Variants in IL20RB observed in about 807,000 individuals in gnomAD.
The protein encoded by IL20RB is interleukin-20 receptor subunit beta.
IL20RB carries 21 observed loss-of-function variants against 33.3 expected under a neutral mutation model. The observed-to-expected ratio is 0.63, with a 90% CI of 0.45 to 0.91. The LOEUF is 0.91. Ranked by LOEUF, IL20RB falls within the 40% of genes least tolerant of loss-of-function variation. The pLI is 0.00. For synonymous variants in IL20RB, 147 were observed against 146.8 expected, an observed-to-expected ratio of 1.00 and a Z score of -0.01; for missense variants, 345 against 384.8, an observed-to-expected ratio of 0.90 and a Z score of 0.86.
chr3:136,981,977 C>T, intron 2 of IL20RB, 183 bp from the exon 3 acceptor site: 1 of 413,152 alleles, frequency 2.4e-6, no homozygotes, highest in Non-Finnish European at 4.3e-6. Flanking sequence ...CCCTATCTGG[C>T]AATAAAAGGA....
intron 1 of IL20RB, among the ~76,000 whole-genome samples, chr3:136,974,092 A>G (rs1263807139): frequency 6.6e-6 from 1 of 151,700 alleles, no homozygotes; most frequent in Non-Finnish European, 1.5e-5. Context: ...TTCCTGTCAT[A>G]TTGTTAATTT....
rs768415929 is a variant in IL20RB at position 136,995,440 on chromosome 3, C to T, written c.709C>T (p.Leu237=). Residue 237 remains leucine (L), a synonymous_variant, in exon 6 of 7, where the codon CTG becomes TTG. Transcript: ENST00000329582. ...AGAGGCCATTCCCCTGGTACTGGCCCTGTTTGCCTTTGTTGGCTTCATGCT... is the reference window on the plus strand; with the variant it reads ...AGAGGCCATTCCCCTGGTACTGGCCTTGTTTGCCTTTGTTGGCTTCATGCT... ...QGEAIPLVLA[L]FAFVGFMLIL... The T allele has an allele frequency of 3.1e-6, 5 of 1,614,016 alleles. No individual in the cohort carries two copies. Among genetic ancestry groups the T allele is most frequent in the Non-Finnish European group, 3.4e-6 (4 of 1,180,034 alleles).
At chr3:136,963,701 T>C (rs1369046706) in intron 1 of IL20RB, among the ~76,000 whole-genome samples, 1 of 147,350 alleles carries the variant, frequency 6.8e-6, no homozygotes, top group East Asian at 2.0e-4. Context: ...TTATTTTTTT[T>C]TTTTATTATA....
chr3:136,994,530 C>T (rs1056284378), intron 5 of IL20RB, among the ~76,000 whole-genome samples: 1 of 152,196 alleles, frequency 6.6e-6, no homozygotes, highest in African/African-American at 2.4e-5. Flanking sequence ...ATGTACAGTG[C>T]CCCCAGCCAC....
chr3:136,986,246 A>G (rs1439242605), intron 3 of IL20RB, among the ~76,000 whole-genome samples: 1 of 142,616 alleles, frequency 7.0e-6, no homozygotes, highest in Non-Finnish European at 1.5e-5. Context: ...TAAATAAATA[A>G]ATAAATAAAT....
intron 5 of IL20RB, among the ~76,000 whole-genome samples, chr3:136,993,589 G>A (rs1045734842): frequency 3.7e-5 from 5 of 136,868 alleles, no homozygotes; most frequent in East Asian, 4.9e-4. Flanking sequence ...CCCCATGACC[G>A]GCCCCAGTGT....
chr3:136,967,218 T>G (rs1212499361), intron 1 of IL20RB, among the ~76,000 whole-genome samples: 1 of 151,936 alleles, frequency 6.6e-6, no homozygotes, highest in East Asian at 1.9e-4. Context: ...TAGGTCTGCT[T>G]GTGCAGAGCT....
chr3:137,004,983 T>C (rs949677774), intron 6 of IL20RB, among the ~76,000 whole-genome samples: 1 of 152,240 alleles, frequency 6.6e-6, no homozygotes, highest in Non-Finnish European at 1.5e-5. Context: ...TTGTCATTGG[T>C]TTCAAAGAAC....
chr3:137,000,411 GT>G (rs1222052711), intron 6 of IL20RB, among the ~76,000 whole-genome samples: 1 of 152,170 alleles, frequency 6.6e-6, no homozygotes, highest in African/African-American at 2.4e-5. Context: ...ACCAGTCTCT[GT>G]TTTTTGGCTT....
At chr3:136,980,702 T>A (rs1941749912) in intron 2 of IL20RB, 110 bp downstream of exon 2, 2 of 1,044,712 alleles carry the variant, frequency 1.9e-6, no homozygotes, top group Non-Finnish European at 2.9e-6. Context: ...GGATAGATTA[T>A]CCCCAAAGAT....
chr3:136,978,141 T>G (rs1941673917), intron 1 of IL20RB, among the ~76,000 whole-genome samples: 1 of 151,662 alleles, frequency 6.6e-6, no homozygotes, highest in Non-Finnish European at 1.5e-5. Context: ...GCTCTTAACT[T>G]GAAGAGAGTT....
intron 6 of IL20RB, among the ~76,000 whole-genome samples, chr3:136,997,843 G>A (rs142469380): frequency 1.2e-3 from 177 of 151,500 alleles, no homozygotes; most frequent in African/African-American, 4.1e-3. Context: ...GCATGATCTC[G>A]GCTCACTGCA....
intron 1 of IL20RB, chr3:136,959,624 A>G (rs1448917963): frequency 1.3e-5 from 2 of 152,262 alleles, no homozygotes; most frequent in African/African-American, 4.8e-5. Context: ...ATTTTCTTCA[A>G]TGACGCCCGT....
intron 1 of IL20RB, among the ~76,000 whole-genome samples, chr3:136,977,707 G>A (rs1941655871): frequency 1.3e-5 from 2 of 152,046 alleles, no homozygotes; most frequent in Non-Finnish European, 2.9e-5. Context: ...TCTATTTTTA[G>A]TAGAGATGGG....
rs1577034910 is a variant in IL20RB at position 137,004,801 on chromosome 3, T to C, written c.826-5312T>C. Among the ~76,000 whole-genome samples the C allele has an allele frequency of 2.0e-5, 3 of 152,350 alleles. No homozygotes were observed. The South Asian group carries it at 6.2e-4, about 32-fold the overall frequency. ...CTCTCAACTTAGTTATTTCTTGCCT[T>C]CTTCTAGCTTTTGAATGTGTTTGCT... On this transcript the variant is annotated intron_variant, in intron 6 of 6. Coordinates refer to ENST00000329582, the MANE Select transcript of IL20RB (RefSeq NM_144717.4).
rs244405 is a variant in IL20RB at position 136,989,562 on chromosome 3, C to G, written c.528C>G (p.Ala176=). The G allele has an allele frequency of 2.1e-3, 3,413 of 1,613,696 alleles. 5 individuals carry two copies. Among genetic ancestry groups the G allele is most frequent in the Middle Eastern group, 4.6e-3 (28 of 6,040 alleles). The change falls in exon 4 of 7, where the codon GCC becomes GCG. Residue 176 remains alanine, a synonymous_variant. Transcript: ENST00000329582. The part of the protein sequence containing the change: ...LVAYWRREPG[A]EEHVKMVRSG... ...CCTACTGGAGGAGGGAGCCTGGTGC[C>G]GAGGTGAGACTCCAGCCTTGGCCTT...
chr3:136,962,427 G>A (rs535546811), intron 1 of IL20RB, among the ~76,000 whole-genome samples: 13 of 152,166 alleles, frequency 8.5e-5, no homozygotes, highest in African/African-American at 2.9e-4. Flanking sequence ...ACTGAGATAC[G>A]TTCTACAAAA....
intron 3 of IL20RB, among the ~76,000 whole-genome samples, chr3:136,987,977 C>T (rs1941951701): frequency 6.6e-6 from 1 of 152,216 alleles, no homozygotes; most frequent in Admixed American, 6.5e-5. Context: ...TCCCTCCACA[C>T]CTCCCTGCAA....
In IL20RB at chr3:137,011,061, A is replaced by G. The variant is rs1933090410; in HGVS notation, c.*838A>G. The G allele has an allele frequency of 6.6e-6, 1 of 151,366 alleles. No homozygotes were observed. The highest frequency in any genetic ancestry group is 2.1e-4 in the South Asian group (1 of 4,810). 9.4% of individuals were successfully genotyped at this position (151,366 alleles called of 1,614,324 possible). On this transcript the variant is annotated 3_prime_UTR_variant, in exon 7 of 7. Transcript: ENST00000329582. The stretch of plus-strand genomic sequence containing the variant: ...CAGAATTCAGCAAATAAAAAGGGCC[A>G]CCCTGGCCAAAAGCGGTCTTTAAAG...
Sources: gnomAD v4.1 joint callset for allele counts (sites outside exome capture counted in the v4.1 genomes callset) on GRCh38, gnomAD v4.1.1 for gene constraint, MANE v1.5 for transcripts, NCBI Gene and HGNC (gene_info 2026-07-23, HGNC 2026-07-21) for gene names.